The following CNTN5 variants were observed in gnomAD, a reference collection of about 807,000 sequenced individuals.
The protein encoded by CNTN5 is contactin 5.
Under a neutral mutation model 129.1 loss-of-function variants are expected in CNTN5, and 77 were observed. The observed-to-expected ratio is 0.60, with a 90% CI of 0.50 to 0.72. The LOEUF (loss-of-function observed/expected upper bound fraction) is 0.72. Among genes scored for constraint, CNTN5 ranks in the 30% least tolerant of loss-of-function variants. CNTN5 has a pLI of 0.00. For missense variants in CNTN5, 1,478 were observed against 1,328.8 expected (o/e 1.11, Z -1.75); for synonymous variants, 509 against 465.6 (o/e 1.09, Z -1.20).
chr11:99,904,563 C>T (rs1248570544), intron 6 of CNTN5, among the ~76,000 whole-genome samples: 2 of 152,098 alleles, frequency 1.3e-5, no homozygotes, highest in African/African-American at 2.4e-5. Context: ...TGAGCTAGTT[C>T]CAAGTCTTTG....
intron 3 of CNTN5, among the ~76,000 whole-genome samples, chr11:99,717,084 C>T (rs1315427886): frequency 6.6e-6 from 1 of 151,958 alleles, no homozygotes; most frequent in Admixed American, 6.6e-5. Flanking sequence ...AGAATCGGAA[C>T]CCACAAATTG....
intron 4 of CNTN5, among the ~76,000 whole-genome samples, chr11:99,829,309 A>C (rs1027851929): frequency 6.6e-6 from 1 of 152,212 alleles, no homozygotes; most frequent in East Asian, 1.9e-4. Context: ...GTGTTGCATG[A>C]CGATGAAAAC....
At chr11:99,988,851 T>TTGTGTGTG in intron 8 of CNTN5, among the ~76,000 whole-genome samples, 2 of 150,144 alleles carry the variant, frequency 1.3e-5, no homozygotes, top group South Asian at 2.1e-4. Flanking sequence ...GTGTGTGTGT[T>TTGTGTGTG]TGTGTGTGTG....
chr11:99,304,269 C>T (rs1864775368), intron 1 of CNTN5, among the ~76,000 whole-genome samples: 2 of 152,140 alleles, frequency 1.3e-5, no homozygotes, highest in South Asian at 4.1e-4. Context: ...TCTTTCCAAA[C>T]CTACTTTACC....
intron 13 of CNTN5, among the ~76,000 whole-genome samples, chr11:100,125,608 T>C (rs959660636): frequency 6.6e-6 from 1 of 152,094 alleles, no homozygotes; most frequent in Non-Finnish European, 1.5e-5. Context: ...CTATTGTAAA[T>C]AGTGCTGTGA....
intron 1 of CNTN5, among the ~76,000 whole-genome samples, chr11:99,212,113 T>C (rs1859832336): frequency 6.6e-6 from 1 of 152,186 alleles, no homozygotes; most frequent in African/African-American, 2.4e-5. Flanking sequence ...TCTCACAGGG[T>C]ACTTTAGTGT....
intron 1 of CNTN5, among the ~76,000 whole-genome samples, chr11:99,142,261 G>A (rs1388629840): frequency 2.0e-5 from 3 of 151,554 alleles, no homozygotes; most frequent in Non-Finnish European, 2.9e-5. Context: ...CATCATCAGG[G>A]TTGTGGCAGT....
chr11:100,316,454 T>A (rs118039988), intron 21 of CNTN5, among the ~76,000 whole-genome samples: 23 of 152,144 alleles, frequency 1.5e-4, no homozygotes, highest in Non-Finnish European at 3.4e-4. Flanking sequence ...AATATAATTC[T>A]CGTGTCTATA....
chr11:100,207,113 T>C (rs1034975056), intron 15 of CNTN5, among the ~76,000 whole-genome samples: 6 of 152,142 alleles, frequency 3.9e-5, no homozygotes, highest in African/African-American at 1.4e-4. Flanking sequence ...CCCTTTTACA[T>C]AGAGCTGTTT....
At chr11:99,780,135 C>G (rs888501175) in intron 3 of CNTN5, among the ~76,000 whole-genome samples, 1 of 152,020 alleles carries the variant, frequency 6.6e-6, no homozygotes, top group Admixed American at 6.6e-5. Flanking sequence ...AGATAAACTA[C>G]TGGTAGTTTC....
chr11:99,440,113 C>T (rs1317849812), intron 2 of CNTN5, among the ~76,000 whole-genome samples: 3 of 152,070 alleles, frequency 2.0e-5, no homozygotes, highest in Non-Finnish European at 4.4e-5. Flanking sequence ...AGAAAACATT[C>T]CTTCACATTT....
intron 3 of CNTN5, among the ~76,000 whole-genome samples, chr11:99,755,847 G>A (rs1944388866): frequency 6.6e-6 from 1 of 151,956 alleles, no homozygotes; most frequent in Admixed American, 6.6e-5. Context: ...TTTTTCAAGT[G>A]ACATTTTAAT....
At chr11:99,926,430 T>A (rs1950064658) in intron 7 of CNTN5, among the ~76,000 whole-genome samples, 1 of 152,098 alleles carries the variant, frequency 6.6e-6, no homozygotes, top group African/African-American at 2.4e-5. Flanking sequence ...ATACCAGAAA[T>A]TGTTCCTTTA....
intron 21 of CNTN5, among the ~76,000 whole-genome samples, chr11:100,323,198 C>A (rs190891947): frequency 5.3e-5 from 8 of 152,330 alleles, no homozygotes; most frequent in African/African-American, 1.9e-4. Context: ...TTACTAGGTT[C>A]TCCAATGTTT....
At chr11:99,712,761 T>C (rs949091013) in intron 3 of CNTN5, among the ~76,000 whole-genome samples, 1 of 152,104 alleles carries the variant, frequency 6.6e-6, no homozygotes, top group African/African-American at 2.4e-5. Context: ...CTTGTTTTTG[T>C]CACGTTTTTT....
At chr11:99,266,117 G>A (rs1862871654) in intron 1 of CNTN5, among the ~76,000 whole-genome samples, 1 of 151,914 alleles carries the variant, frequency 6.6e-6, no homozygotes, top group African/African-American at 2.4e-5. Flanking sequence ...TCTGTTTCTG[G>A]ATAAATCAAT....
intron 6 of CNTN5, among the ~76,000 whole-genome samples, chr11:99,890,042 G>T (rs973365815): frequency 9.9e-5 from 15 of 152,130 alleles, no homozygotes; most frequent in African/African-American, 3.6e-4. Context: ...TTCTCATAGT[G>T]CTTATTTGTC....
intron 1 of CNTN5, among the ~76,000 whole-genome samples, chr11:99,231,844 T>C (rs1214223330): frequency 2.6e-5 from 4 of 152,190 alleles, no homozygotes; most frequent in African/African-American, 9.6e-5. Context: ...GAGGTAGGGG[T>C]CCAATTTGAA....
chr11:99,959,140 CAA>C (rs1406705907), intron 8 of CNTN5, among the ~76,000 whole-genome samples: 1 of 152,134 alleles, frequency 6.6e-6, no homozygotes, highest in Non-Finnish European at 1.5e-5. Context: ...CCAGTGAACT[CAA>C]TTATACTCTT....
Sources: allele counts gnomAD v4.1 joint callset (sites outside exome capture counted in the v4.1 genomes callset), GRCh38; gene constraint gnomAD v4.1.1; transcripts MANE v1.5; gene names NCBI Gene and HGNC (gene_info 2026-07-23, HGNC 2026-07-21).